Variants in EXOSC1 observed in about 807,000 individuals in gnomAD.
The protein encoded by EXOSC1 is exosome complex component CSL4.
Under a neutral mutation model 31.4 loss-of-function variants are expected in EXOSC1, and 27 were observed. That is an observed-to-expected ratio of 0.86 (90% confidence interval 0.63 to 1.18). The LOEUF (loss-of-function observed/expected upper bound fraction) is 1.18. EXOSC1 is among the 50% of genes most tolerant of loss of function. The probability of loss-of-function intolerance (pLI) is 0.00; values close to 1 mark genes in which losing one functional copy is unlikely to be tolerated. For missense variants in EXOSC1, 228 were observed against 250.3 expected (o/e 0.91, Z 0.60); for synonymous variants, 84 against 89.5 (o/e 0.94, Z 0.35).
intron 4 of EXOSC1, among the ~76,000 whole-genome samples, chr10:97,439,281 C>A (rs1845642312): frequency 6.6e-6 from 1 of 152,158 alleles, no homozygotes; most frequent in Admixed American, 6.5e-5. Flanking sequence ...AGCACTATAG[C>A]AAGGGCCCCC....
chr10:97,440,038 T>C (rs1308405243), intron 4 of EXOSC1, among the ~76,000 whole-genome samples: 3 of 151,102 alleles, frequency 2.0e-5, no homozygotes, highest in African/African-American at 7.3e-5. Context: ...AATGGCACGA[T>C]CTTGGCTCAC....
At chr10:97,442,391 G>A (rs1845746849) in intron 3 of EXOSC1, among the ~76,000 whole-genome samples, 1 of 152,164 alleles carries the variant, frequency 6.6e-6, no homozygotes, top group Non-Finnish European at 1.5e-5. Flanking sequence ...CTAGAAATCT[G>A]TAAGCCTGCA....
At chr10:97,441,415 C>T (rs1845710411) in intron 3 of EXOSC1, among the ~76,000 whole-genome samples, 156 bp from the exon 4 acceptor site, 1 of 150,638 alleles carries the variant, frequency 6.6e-6, no homozygotes, top group Non-Finnish European at 1.5e-5. Flanking sequence ...GCGTAAGTGA[C>T]ACATGTAAAG....
chr10:97,441,173 G>A lies in EXOSC1; in HGVS notation c.309C>T (p.Ile103=). The A allele has an allele frequency of 6.2e-7, 1 of 1,613,254 alleles. No homozygotes were observed. The change falls in exon 4 of 8, where the codon ATC becomes ATT. Residue 103 remains isoleucine, a splice_region_variant and synonymous_variant. Coordinates refer to ENST00000370902, the MANE Select transcript of EXOSC1 (RefSeq NM_016046.5). ...TATGTGAAAAGGATACTTCTTACCG[G>A]ATAGTTCCTCGAAAAGAGTTCTTAA... The part of the protein sequence containing the change: ...MPLKNSFRGT[I]RKEDVRATEK...
intron 6 of EXOSC1, 31 bp downstream of exon 6, chr10:97,437,669 G>A (rs1845584726): frequency 6.2e-7 from 1 of 1,606,198 alleles, no homozygotes; most frequent in South Asian, 1.1e-5. Context: ...TTTTGACAAA[G>A]GACCAGAAGT....
At chr10:97,440,046 C>A (rs1289797330) in intron 4 of EXOSC1, among the ~76,000 whole-genome samples, 3 of 150,152 alleles carry the variant, frequency 2.0e-5, no homozygotes, top group Non-Finnish European at 4.4e-5. Flanking sequence ...GATCTTGGCT[C>A]ACCGCAAGCT....
At chr10:97,441,527 G>C (rs1310698798) in intron 3 of EXOSC1, among the ~76,000 whole-genome samples, 3 of 117,346 alleles carry the variant, frequency 2.6e-5, no homozygotes, top group Non-Finnish European at 3.3e-5. Context: ...TTTCACTCTT[G>C]TTGCCCAGGC....
intron 5 of EXOSC1, among the ~76,000 whole-genome samples, chr10:97,438,074 G>A (rs1845601185): frequency 1.3e-5 from 2 of 151,658 alleles, no homozygotes; most frequent in African/African-American, 2.4e-5. Context: ...TGCATGGCAC[G>A]ACACAGGCTA....
chr10:97,445,865 C>A lies in EXOSC1; in HGVS notation c.32-18G>T. 6.2e-7 allele frequency: 1 copy of A among 1,613,762 alleles called. No homozygotes were observed. Among genetic ancestry groups the A allele is most frequent in the Non-Finnish European group, 8.5e-7 (1 of 1,179,672 alleles). ...ACGTTCGCCTGCAGAAAAAATGCTG[C>A]ATCGGTCACGGGCCCCCAGAAGCTG... On this transcript the variant is annotated intron_variant, in intron 1 of 7. Transcript: ENST00000370902.
intron 3 of EXOSC1, among the ~76,000 whole-genome samples, chr10:97,441,955 T>C (rs1401555483): frequency 6.8e-6 from 1 of 147,946 alleles, no homozygotes; most frequent in Non-Finnish European, 1.5e-5. Flanking sequence ...GGTGGGCGCA[T>C]CACTTGAGGT....
rs753503474 is a variant in EXOSC1, at chr10:97,445,898, T to C, written c.32-51A>G. On this transcript the variant is annotated intron_variant, in intron 1 of 7. Transcript: ENST00000370902. ...ACGGGCCCCCAGAAGCTGTAGGCCGTTTAGCCTTCTTGCTTCAGCCCCTAT... is the reference window on the plus strand; with the variant it reads ...ACGGGCCCCCAGAAGCTGTAGGCCGCTTAGCCTTCTTGCTTCAGCCCCTAT... The C allele has an allele frequency of 2.7e-5, 43 of 1,613,234 alleles. 1 individual carries two copies. In the South Asian group the frequency reaches 4.7e-4, roughly 18 times the overall value.
rs1166337742 is a variant in EXOSC1 at position 97,437,198 on chromosome 10, A to G, written c.474T>C (p.Ser158=). ...GAAACAAGGCCATCTCACCTGACTCACTGTGGGCTACCACCACTCCCAGCT... is the reference window on the plus strand; with the variant it reads ...GAAACAAGGCCATCTCACCTGACTCGCTGTGGGCTACCACCACTCCCAGCT... ...ENELGVVVAH[S]ESGIQMVPIS... Residue 158 remains serine (S), a synonymous_variant, in exon 7 of 8, where the codon AGT becomes AGC. Transcript: ENST00000370902. The G allele has an allele frequency of 6.2e-7, 1 of 1,613,856 alleles. No homozygotes were observed. The highest frequency in any genetic ancestry group is 2.2e-5 in the East Asian group (1 of 44,852).
At chr10:97,442,197 T>G (rs1296847911) in intron 3 of EXOSC1, among the ~76,000 whole-genome samples, 1 of 148,196 alleles carries the variant, frequency 6.7e-6, no homozygotes. Flanking sequence ...AAAACAGGAA[T>G]GGCAAAAAAT....
At chr10:97,440,668 G>A in intron 4 of EXOSC1, 1 of 152,592 alleles carries the variant, frequency 6.6e-6, no homozygotes, top group Non-Finnish European at 1.5e-5. Flanking sequence ...ACAGGCACAC[G>A]CCAACATGTC....
intron 2 of EXOSC1, 148 bp from the exon 3 acceptor site, chr10:97,443,459 A>C: frequency 1.5e-6 from 1 of 654,976 alleles, no homozygotes; most frequent in East Asian, 2.7e-5. Flanking sequence ...AAGGCCTTAG[A>C]AATTTTAGGA....
chr10:97,437,042 CA>C, intron 7 of EXOSC1, 148 bp downstream of exon 7: 1 of 788,336 alleles, frequency 1.3e-6, no homozygotes, highest in South Asian at 1.7e-5. Context: ...CAGCACCAAG[CA>C]AAAAAGAAAA....
chr10:97,437,901 T>C (rs1845594106), intron 5 of EXOSC1, 151 bp from the exon 6 acceptor site: 2 of 664,058 alleles, frequency 3.0e-6, no homozygotes, highest in Non-Finnish European at 2.6e-6. Flanking sequence ...TAATTGCTTC[T>C]ACAGTATTAT....
At chr10:97,445,883 A>G (rs1312488212) in intron 1 of EXOSC1, 36 bp from the exon 2 acceptor site, 2 of 1,613,656 alleles carry the variant, frequency 1.2e-6, no homozygotes, top group Admixed American at 3.3e-5. Flanking sequence ...ACGGGCCCCC[A>G]GAAGCTGTAG....
At chr10:97,443,114 T>C in intron 3 of EXOSC1, 123 bp downstream of exon 3, 1 of 819,244 alleles carries the variant, frequency 1.2e-6, no homozygotes, top group East Asian at 2.5e-5. Context: ...TGTGAGCCAC[T>C]GTGCCCTGCC....
Sources: gnomAD v4.1 joint callset for allele counts (sites outside exome capture counted in the v4.1 genomes callset) on GRCh38, gnomAD v4.1.1 for gene constraint, MANE v1.5 for transcripts, NCBI Gene and HGNC (gene_info 2026-07-23, HGNC 2026-07-21) for gene names.